Variants in PITPNC1 observed in about 807,000 individuals in gnomAD.
PITPNC1 encodes phosphatidylinositol transfer protein cytoplasmic 1, also known as cytoplasmic phosphatidylinositol transfer protein 1.
In PITPNC1, 18 loss-of-function variants were observed where a neutral mutation model predicts 44.7. The ratio of observed to expected loss-of-function variants is 0.40; its 90% confidence interval spans 0.28 to 0.60. The LOEUF (loss-of-function observed/expected upper bound fraction) is 0.60. Among genes scored for constraint, PITPNC1 ranks in the 20% least tolerant of loss-of-function variants. The pLI is 0.39. For synonymous variants in PITPNC1, 141 were observed against 149.6 expected (o/e 0.94, Z 0.42); for missense variants, 290 against 418.4 (o/e 0.69, Z 2.68).
chr17:67,652,558 C>T (rs1230333031), intron 6 of PITPNC1, among the ~76,000 whole-genome samples: 7 of 152,296 alleles, frequency 4.6e-5, no homozygotes, highest in Non-Finnish European at 1.0e-4. Flanking sequence ...TGGAGAGAAT[C>T]GGTAGCATCC....
chr17:67,664,906 A>G (rs111560269), intron 6 of PITPNC1, among the ~76,000 whole-genome samples: 15 of 142,628 alleles, frequency 1.1e-4, no homozygotes, highest in Non-Finnish European at 1.8e-4. Flanking sequence ...CTCCATCTCA[A>G]AAAAAAAAAA....
intron 6 of PITPNC1, among the ~76,000 whole-genome samples, chr17:67,634,926 G>A (rs367804826): frequency 1.3e-5 from 2 of 152,050 alleles, no homozygotes; most frequent in South Asian, 2.1e-4. Flanking sequence ...GGTGGCATGC[G>A]CCTTTAGTCC....
At chr17:67,399,008 CTTTTTTTTTTT>C (rs34059580) in intron 1 of PITPNC1, among the ~76,000 whole-genome samples, 2 of 88,490 alleles carry the variant, frequency 2.3e-5, no homozygotes, top group Non-Finnish European at 4.1e-5. Flanking sequence ...AGAGGATCAG[CTTTTTTTTTTT>C]TTTTTTTTTT....
chr17:67,491,647 C>A (rs1001894903), intron 1 of PITPNC1, among the ~76,000 whole-genome samples: 1 of 152,082 alleles, frequency 6.6e-6, no homozygotes, highest in African/African-American at 2.4e-5. Flanking sequence ...AAGACCAGCT[C>A]CAGCAACATA....
chr17:67,425,193 G>GCGCGCGCGCGCGCGCGCACACACACA (rs1160522771), intron 1 of PITPNC1, among the ~76,000 whole-genome samples: 2 of 52,116 alleles, frequency 3.8e-5, no homozygotes, highest in Admixed American at 2.0e-4. Context: ...TTGTGCGCGC[G>GCGCGCGCGCGCGCGCGCACACACACA]CACGCACACG....
At chr17:67,442,204 C>CATATGTATATAT (rs2039021633) in intron 1 of PITPNC1, among the ~76,000 whole-genome samples, 11 of 54,244 alleles carry the variant, frequency 2.0e-4, no homozygotes, top group African/African-American at 5.5e-4. Context: ...GGAAAATAAG[C>CATATGTATATAT]ATATATATAT....
In PITPNC1 at chr17:67,597,633, G is replaced by A. The variant is rs2041477229; in HGVS notation, c.366+19376G>A. Among the ~76,000 whole-genome samples the A allele has an allele frequency of 6.6e-6, 1 of 152,174 alleles. No individual in the cohort carries two copies. The highest frequency in any genetic ancestry group is 6.5e-5 in the Admixed American group (1 of 15,276). ...TAAGTTCCTAGTGGAAATTTGAGAA[G>A]TCCTTTATTTTACATTTAAAAGATA... On this transcript the variant is annotated intron_variant, in intron 5 of 8. Transcript: ENST00000581322. The surrounding 1 kb of genome is among the most constrained non-coding windows in gnomAD (Gnocchi z 4.0).
At chr17:67,685,159 G>A (rs945394766) in intron 8 of PITPNC1, among the ~76,000 whole-genome samples, 17 of 152,230 alleles carry the variant, frequency 1.1e-4, no homozygotes, top group African/African-American at 4.1e-4. Context: ...AGAATGTGTT[G>A]TTATTATTAA....
chr17:67,503,241 G>A (rs2040059143), intron 1 of PITPNC1, among the ~76,000 whole-genome samples: 1 of 152,178 alleles, frequency 6.6e-6, no homozygotes, highest in African/African-American at 2.4e-5. Flanking sequence ...GGGTTGGGGT[G>A]GGAGTGCTCC....
At chr17:67,669,259 G>A (rs1451305033) in intron 6 of PITPNC1, among the ~76,000 whole-genome samples, 1 of 152,108 alleles carries the variant, frequency 6.6e-6, no homozygotes, top group Non-Finnish European at 1.5e-5. Context: ...GGCAGTAGGT[G>A]GGATTACCAC....
At chr17:67,555,691 AAAG>A (rs1171488464) in intron 4 of PITPNC1, among the ~76,000 whole-genome samples, 14 of 79,006 alleles carry the variant, frequency 1.8e-4, no homozygotes, top group South Asian at 4.6e-4. Context: ...AAAAAAAAAA[AAAG>A]GTAGTTGGGT....
chr17:67,572,665 T>A (rs748815826), intron 4 of PITPNC1, among the ~76,000 whole-genome samples: 2 of 151,370 alleles, frequency 1.3e-5, no homozygotes, highest in Non-Finnish European at 2.9e-5. Flanking sequence ...GCTGCCAGCA[T>A]GCATGGGATA....
intron 4 of PITPNC1, among the ~76,000 whole-genome samples, chr17:67,555,672 C>CAAAAAAAAAAA (rs67935513): frequency 2.6e-5 from 2 of 78,154 alleles, no homozygotes; most frequent in African/African-American, 7.8e-5. Flanking sequence ...ACTAAAAATA[C>CAAAAAAAAAAA]AAAAAAAAAA....
intron 5 of PITPNC1, among the ~76,000 whole-genome samples, chr17:67,588,268 T>C (rs919526853): frequency 6.6e-6 from 1 of 152,202 alleles, no homozygotes; most frequent in Non-Finnish European, 1.5e-5. Context: ...CCTCCCAAAG[T>C]GCTGGGATTA....
chr17:67,679,439 C>T (rs2042663166), intron 8 of PITPNC1, among the ~76,000 whole-genome samples: 1 of 152,320 alleles, frequency 6.6e-6, no homozygotes, highest in South Asian at 2.1e-4. Context: ...CCATTTGCCT[C>T]CTCTGCTGTG....
At position 67,489,989 on chromosome 17, in the gene PITPNC1, G is replaced by A. The variant is rs115747291; in HGVS notation, c.49-42813G>A. On this transcript the variant is annotated intron_variant, in intron 1 of 8. Coordinates refer to ENST00000581322, the MANE Select transcript of PITPNC1 (RefSeq NM_012417.4). ...GAACCTCAAGTGATCCATCCCCCTC[G>A]GTCTCCCAAAATGCTGGGATTGCAG... Among the ~76,000 whole-genome samples the A allele has an allele frequency of 1.9e-4, 29 of 152,042 alleles. No individual in the cohort carries two copies. In the South Asian group the frequency reaches 4.4e-3, roughly 23 times the overall value.
chr17:67,462,225 C>CTTT (rs549707875), intron 1 of PITPNC1, among the ~76,000 whole-genome samples: 1,472 of 71,222 alleles, frequency 0.021, 91 homozygotes, highest in Non-Finnish European at 0.031. Context: ...TTCTTTCTTT[C>CTTT]TTTTTTTTTT....
rs565399144 is a variant in PITPNC1, at chr17:67,407,665, G to A, written c.48+29463G>A. Reference sequence around the variant, plus strand: ...TAAAAATACAAGATTAGCTGGGTGCGTGTAATCCCAGCTACTTGGGAGGCT... The same window carrying A: ...TAAAAATACAAGATTAGCTGGGTGCATGTAATCCCAGCTACTTGGGAGGCT... On this transcript the variant is annotated intron_variant, in intron 1 of 8. Transcript: ENST00000581322. Among the ~76,000 whole-genome samples the A allele has an allele frequency of 4.0e-5, 6 of 151,780 alleles. No individual in the cohort carries two copies. In the South Asian group the frequency reaches 8.4e-4, roughly 21 times the overall value.
At chr17:67,460,370 A>T (rs1388931749) in intron 1 of PITPNC1, among the ~76,000 whole-genome samples, 19 of 151,640 alleles carry the variant, frequency 1.3e-4, no homozygotes, top group Admixed American at 1.2e-3. Flanking sequence ...AGGAGGCAGG[A>T]TTCTTTCGTG....
Sources: allele counts gnomAD v4.1 joint callset (sites outside exome capture counted in the v4.1 genomes callset), GRCh38; gene constraint gnomAD v4.1.1; non-coding constraint Gnocchi (gnomAD v3.1); transcripts MANE v1.5; gene names NCBI Gene and HGNC (gene_info 2026-07-23, HGNC 2026-07-21).